Variants in EPB41L1 observed in about 807,000 individuals in gnomAD.
The protein encoded by EPB41L1 is erythrocyte membrane protein band 4.1 like 1, also known as band 4.1-like protein 1.
In EPB41L1, 29 loss-of-function variants were observed where a neutral mutation model predicts 97.8. The observed-to-expected ratio is 0.30, with a 90% CI of 0.22 to 0.40. The LOEUF is 0.40. Ranked by LOEUF, EPB41L1 falls within the 10% of genes least tolerant of loss-of-function variation. EPB41L1 has a pLI of 1.00. For missense variants in EPB41L1, 812 were observed against 1,162.3 expected, an observed-to-expected ratio of 0.70 and a Z score of 4.38; for synonymous variants, 383 against 459.2, an observed-to-expected ratio of 0.83 and a Z score of 2.12.
intron 1 of EPB41L1, among the ~76,000 whole-genome samples, chr20:36,170,619 TG>T (rs2060948208): frequency 6.6e-6 from 1 of 152,128 alleles, no homozygotes; most frequent in Non-Finnish European, 1.5e-5. Context: ...CTTTCTCCTT[TG>T]GGGGGTTCTG....
intron 2 of EPB41L1, among the ~76,000 whole-genome samples, chr20:36,139,386 G>A (rs985242342): frequency 2.6e-5 from 4 of 152,136 alleles, no homozygotes; most frequent in Non-Finnish European, 5.9e-5. Flanking sequence ...CCAGACTTAC[G>A]GTTTGCATGA....
intron 2 of EPB41L1, among the ~76,000 whole-genome samples, chr20:36,114,666 ACT>A (rs1253967976): frequency 6.6e-6 from 1 of 151,928 alleles, no homozygotes; most frequent in African/African-American, 2.4e-5. Context: ...AATCAGGTTG[ACT>A]CTCTCTCTGC....
At chr20:36,133,077 C>A (rs1008397810) in intron 2 of EPB41L1, among the ~76,000 whole-genome samples, 1 of 152,236 alleles carries the variant, frequency 6.6e-6, no homozygotes, top group African/African-American at 2.4e-5. Flanking sequence ...ATCCCTAATC[C>A]CATAATTACT....
At chr20:36,146,393 A>C (rs2059832805) in intron 2 of EPB41L1, among the ~76,000 whole-genome samples, 2 of 152,236 alleles carry the variant, frequency 1.3e-5, no homozygotes, top group South Asian at 2.1e-4. Flanking sequence ...GAACCACTGA[A>C]GCCAATGGTT....
intron 2 of EPB41L1, among the ~76,000 whole-genome samples, chr20:36,139,194 T>C (rs934490239): frequency 1.2e-4 from 18 of 152,200 alleles, no homozygotes; most frequent in African/African-American, 4.3e-4. Context: ...ACGGCCCGGC[T>C]AGGCCAACGA....
intron 1 of EPB41L1, among the ~76,000 whole-genome samples, chr20:36,163,614 AG>A (rs1216976481): frequency 2.0e-5 from 3 of 152,342 alleles, no homozygotes; most frequent in East Asian, 3.9e-4. Flanking sequence ...AGATGTGAGC[AG>A]GGTGAGGGGA....
chr20:36,198,825 C>T (rs1223700504), intron 14 of EPB41L1, among the ~76,000 whole-genome samples: 3 of 152,152 alleles, frequency 2.0e-5, no homozygotes, highest in Non-Finnish European at 4.4e-5. Context: ...CTTGCACTGC[C>T]TGGGTTTGAA....
At chr20:36,129,134 G>A (rs2059087609) in intron 2 of EPB41L1, among the ~76,000 whole-genome samples, 2 of 151,176 alleles carry the variant, frequency 1.3e-5, no homozygotes, top group African/African-American at 2.4e-5. Flanking sequence ...GGCCTAAGAA[G>A]CCAGCATGGG....
intron 2 of EPB41L1, among the ~76,000 whole-genome samples, chr20:36,112,947 G>C (rs1198432690): frequency 6.6e-6 from 1 of 152,200 alleles, no homozygotes; most frequent in African/African-American, 2.4e-5. Flanking sequence ...AGGGGATGGG[G>C]GAAAGTAGGG....
upstream of EPB41L1, chr20:36,150,306 G>C (rs6142519): frequency 2.6e-5 from 4 of 152,036 alleles, no homozygotes; most frequent in Admixed American, 1.3e-4. Context: ...CCTGACCTCA[G>C]GTAATCCGCC....
intron 2 of EPB41L1, among the ~76,000 whole-genome samples, chr20:36,142,748 G>A (rs2059688131): frequency 6.6e-6 from 1 of 152,208 alleles, no homozygotes; most frequent in South Asian, 2.1e-4. Flanking sequence ...GCTGTGCTGT[G>A]CTGTGCTGTG....
intron 1 of EPB41L1, among the ~76,000 whole-genome samples, chr20:36,165,108 G>T (rs2060686013): frequency 1.3e-5 from 2 of 151,930 alleles, no homozygotes. Context: ...CAGCCTCCCA[G>T]GTAGCTGGGA....
At chr20:36,164,437 C>T (rs1199280276) in intron 1 of EPB41L1, among the ~76,000 whole-genome samples, 1 of 152,114 alleles carries the variant, frequency 6.6e-6, no homozygotes, top group Non-Finnish European at 1.5e-5. Context: ...CCTCCCCTGC[C>T]CCCCATCTCC....
chr20:36,101,951 G>A (rs767993304), intron 1 of EPB41L1, among the ~76,000 whole-genome samples: 6 of 152,036 alleles, frequency 3.9e-5, no homozygotes, highest in Non-Finnish European at 7.4e-5. Context: ...GTTGCAGTGA[G>A]CTGAGATCAC....
At chr20:36,138,734 C>T (rs574575568) in intron 2 of EPB41L1, among the ~76,000 whole-genome samples, 1 of 152,326 alleles carries the variant, frequency 6.6e-6, no homozygotes, top group South Asian at 2.1e-4. Context: ...AAGTTATTTG[C>T]TCAAAGTCTC....
In EPB41L1 at chr20:36,173,906, C is replaced by T. The variant is rs758189925; in HGVS notation, c.129C>T (p.Asn43=). The stretch of plus-strand genomic sequence containing the variant: ...CAGGCCACGGCCACCCAGAGGCCAA[C>T]TCCAATGAGAAGCATCCATCCCAGC... The part of the protein sequence containing the change: ...TPAGHGHPEA[N]SNEKHPSQQD... Residue 43 remains asparagine (N), a synonymous_variant, in exon 2 of 22, where the codon AAC becomes AAT. Coordinates refer to ENST00000338074, the MANE Select transcript of EPB41L1 (RefSeq NM_012156.2). 3 of 1,613,904 alleles carry T rather than the reference C, an allele frequency of 1.9e-6. No individual in the cohort carries two copies. The highest frequency in any genetic ancestry group is 2.7e-5 in the African/African-American group (2 of 74,922).
intron 1 of EPB41L1, among the ~76,000 whole-genome samples, chr20:36,160,644 C>G (rs1371771412): frequency 6.6e-6 from 1 of 151,992 alleles, no homozygotes; most frequent in East Asian, 1.9e-4. Flanking sequence ...CTTAGATCCC[C>G]AAACAAATCC....
chr20:36,100,943 G>A (rs2057993653), intron 1 of EPB41L1, among the ~76,000 whole-genome samples: 1 of 152,206 alleles, frequency 6.6e-6, no homozygotes, highest in African/African-American at 2.4e-5. Context: ...CTGCCCACCT[G>A]TAGGAGAGAC....
intron 2 of EPB41L1, among the ~76,000 whole-genome samples, chr20:36,134,909 G>T (rs1211661980): frequency 7.3e-6 from 1 of 137,058 alleles, no homozygotes; most frequent in Non-Finnish European, 1.5e-5. Flanking sequence ...GCCCAGGCTA[G>T]AGTGCAGTGG....
Sources: gnomAD v4.1 joint callset for allele counts (sites outside exome capture counted in the v4.1 genomes callset) on GRCh38, gnomAD v4.1.1 for gene constraint, MANE v1.5 for transcripts, NCBI Gene and HGNC (gene_info 2026-07-23, HGNC 2026-07-21) for gene names.